SLC30A7: variants seen among roughly 807,000 people sequenced by gnomAD.
SLC30A7 encodes the protein zinc transporter 7.
Under a neutral mutation model 46.0 loss-of-function variants are expected in SLC30A7, and 35 were observed. The observed-to-expected ratio is 0.76, with a 90% CI of 0.58 to 1.01. SLC30A7 has a LOEUF of 1.01. SLC30A7 is among the 50% of genes least tolerant of loss of function. The pLI is 0.00. For synonymous variants in SLC30A7, 147 were observed against 157.8 expected (o/e 0.93, Z 0.51); for missense variants, 464 against 451.1 (o/e 1.03, Z -0.26).
At chr1:100,995,488 G>C in the SLC30A7 span, 1 of 179,344 alleles carries the variant, frequency 5.6e-6, no homozygotes, top group Admixed American at 5.8e-5. Context: ...TAACTGCACA[G>C]ACCCATCTGA....
the SLC30A7 span, chr1:100,995,422 G>A: frequency 3.0e-6 from 1 of 331,160 alleles, no homozygotes; most frequent in Non-Finnish European, 5.7e-6. Flanking sequence ...GATAAACATT[G>A]GCATATACAC....
chr1:100,989,287 A>G, the SLC30A7 span, among the ~76,000 whole-genome samples: 1 of 152,220 alleles, frequency 6.6e-6, no homozygotes, highest in Admixed American at 6.5e-5. Flanking sequence ...GTAGTCAGCA[A>G]GTTTTCCATT....
At chr1:100,961,500 A>G (rs981053556) in intron 8 of SLC30A7, among the ~76,000 whole-genome samples, 16 of 152,178 alleles carry the variant, frequency 1.1e-4, no homozygotes, top group African/African-American at 3.9e-4. Context: ...CAGTGCTACT[A>G]TGATTACTTT....
chr1:100,988,043 TTC>T, the SLC30A7 span, among the ~76,000 whole-genome samples: 1 of 152,288 alleles, frequency 6.6e-6, no homozygotes, highest in South Asian at 2.1e-4. Context: ...TTCTTGAGCC[TTC>T]CAACTGTGGC....
At chr1:100,918,929 G>A (rs1310184225) in intron 7 of SLC30A7, among the ~76,000 whole-genome samples, 1 of 152,174 alleles carries the variant, frequency 6.6e-6, no homozygotes, top group Middle Eastern at 3.2e-3. Context: ...AGTTTCTACT[G>A]AATGCATACT....
At chr1:100,904,635 G>A (rs1006801779) in intron 2 of SLC30A7, among the ~76,000 whole-genome samples, 12 of 151,934 alleles carry the variant, frequency 7.9e-5, no homozygotes, top group East Asian at 1.9e-4. Flanking sequence ...ATTTATGATC[G>A]GAAATAGGTA....
At chr1:100,929,574 A>G (rs961892683) in intron 8 of SLC30A7, among the ~76,000 whole-genome samples, 5 of 152,156 alleles carry the variant, frequency 3.3e-5, no homozygotes, top group African/African-American at 1.2e-4. Context: ...AGCAAGAGAA[A>G]TAGTGGCACT....
intron 2 of SLC30A7, among the ~76,000 whole-genome samples, chr1:100,899,786 G>C (rs1651186214): frequency 6.6e-6 from 1 of 151,252 alleles, no homozygotes; most frequent in South Asian, 2.1e-4. Flanking sequence ...ATAATGTCTG[G>C]AATGCAGATA....
intron 8 of SLC30A7, among the ~76,000 whole-genome samples, chr1:100,939,389 G>A (rs1222598141): frequency 1.3e-5 from 2 of 152,036 alleles, no homozygotes; most frequent in African/African-American, 2.4e-5. Context: ...AATTCCAACT[G>A]AATGATGTAA....
the SLC30A7 span, among the ~76,000 whole-genome samples, chr1:100,987,575 T>C: frequency 2.0e-5 from 3 of 152,080 alleles, no homozygotes; most frequent in African/African-American, 7.2e-5. Context: ...TTTTTGTCCA[T>C]GAACATAGTT....
intron 8 of SLC30A7, among the ~76,000 whole-genome samples, chr1:100,949,760 G>C (rs564902081): frequency 6.6e-6 from 1 of 152,210 alleles, no homozygotes; most frequent in Non-Finnish European, 1.5e-5. Context: ...ATTGCAGGTC[G>C]ATCTCAGACT....
intron 7 of SLC30A7, among the ~76,000 whole-genome samples, chr1:100,920,202 T>C (rs966730351): frequency 1.3e-5 from 2 of 152,024 alleles, no homozygotes; most frequent in Non-Finnish European, 2.9e-5. Flanking sequence ...AGAGTTATTT[T>C]CATTTTTTAT....
rs1197753155 is a variant in SLC30A7 at position 100,975,539 on chromosome 1, TA to T, written c.*683del. The T allele has an allele frequency of 6.5e-6, 1 of 152,676 alleles. No individual in the cohort carries two copies. Among genetic ancestry groups the T allele is most frequent in the Admixed American group, 6.5e-5 (1 of 15,280 alleles). 9.5% of individuals were successfully genotyped at this position (152,676 alleles called of 1,614,324 possible). ...ATGTTTTATTTTTGTTTTTATTTTT[TA>T]TTTTTTGAGATGGAGTCTCGCTCTG... On this transcript the variant is annotated 3_prime_UTR_variant, in exon 11 of 11. Coordinates refer to ENST00000357650, the MANE Select transcript of SLC30A7 (RefSeq NM_133496.5).
At chr1:100,922,163 A>G (rs1445812328) in intron 8 of SLC30A7, among the ~76,000 whole-genome samples, 3 of 151,846 alleles carry the variant, frequency 2.0e-5, no homozygotes, top group South Asian at 4.1e-4. Context: ...ATGGGGTTTT[A>G]CCATGTTGGC....
At chr1:100,951,585 GC>G (rs2101071202) in intron 8 of SLC30A7, among the ~76,000 whole-genome samples, 1 of 152,194 alleles carries the variant, frequency 6.6e-6, no homozygotes, top group South Asian at 2.1e-4. Context: ...TCTCCCTACT[GC>G]CCAGTGTGCT....
the SLC30A7 span, chr1:100,995,003 G>C: frequency 1.0e-4 from 77 of 747,234 alleles, no homozygotes; most frequent in African/African-American, 1.1e-3. Flanking sequence ...CACTGTTAAT[G>C]AGAGCTCATT....
chr1:100,898,149 G>A (rs1229972553), intron 2 of SLC30A7, among the ~76,000 whole-genome samples: 1 of 152,104 alleles, frequency 6.6e-6, no homozygotes, highest in Admixed American at 6.5e-5. Context: ...TGTATCAAGA[G>A]TGTATCATAG....
At chr1:100,925,741 T>TA (rs1557987640) in intron 8 of SLC30A7, among the ~76,000 whole-genome samples, 1 of 152,206 alleles carries the variant, frequency 6.6e-6, no homozygotes, top group Non-Finnish European at 1.5e-5. Context: ...GGACTGTAGA[T>TA]AAAAAATTCT....
In SLC30A7 at chr1:100,979,581, T is replaced by C. The variant is rs1656805017; in HGVS notation, c.*4724T>C. 1 of 152,140 alleles carries C rather than the reference T, an allele frequency of 6.6e-6. No homozygotes were observed. Among genetic ancestry groups the C allele is most frequent in the Non-Finnish European group, 1.5e-5 (1 of 67,978 alleles). The allele number at this position is 152,140 out of a possible 1,614,324, so 9.4% of individuals were successfully genotyped here. A position where few individuals can be genotyped will look rare whatever the true frequency, so the allele number is the denominator to read the frequency against. On this transcript the variant is annotated 3_prime_UTR_variant, in exon 11 of 11. Coordinates refer to ENST00000357650, the MANE Select transcript of SLC30A7 (RefSeq NM_133496.5). ...GAAAGTGAGAATGGGGAATAACTTTTATTAAGTATTTATGTGCCAGGCGGT... is the reference window on the plus strand; with the variant it reads ...GAAAGTGAGAATGGGGAATAACTTTCATTAAGTATTTATGTGCCAGGCGGT...
Sources: gnomAD v4.1 joint callset for allele counts (sites outside exome capture counted in the v4.1 genomes callset) on GRCh38, gnomAD v4.1.1 for gene constraint, MANE v1.5 for transcripts, NCBI Gene and HGNC (gene_info 2026-07-23, HGNC 2026-07-21) for gene names.